The following SNTG2 variants were observed in gnomAD, a reference collection of about 807,000 sequenced individuals.
SNTG2 encodes gamma-2-syntrophin.
A neutral mutation model predicts 70.9 loss-of-function variants in SNTG2; 74 were observed. That is an observed-to-expected ratio of 1.04 (90% confidence interval 0.86 to 1.27). SNTG2 has a LOEUF of 1.27. Among genes scored for constraint, SNTG2 ranks in the 50% most tolerant of loss-of-function variants. The pLI is 0.00. For synonymous variants in SNTG2, 278 were observed against 273.8 expected, an observed-to-expected ratio of 1.02 and a Z score of -0.15; for missense variants, 717 against 690.7, an observed-to-expected ratio of 1.04 and a Z score of -0.43.
intron 1 of SNTG2, among the ~76,000 whole-genome samples, chr2:1,059,591 T>C (rs1474588309): frequency 6.6e-6 from 1 of 152,032 alleles, no homozygotes; most frequent in Non-Finnish European, 1.5e-5. Flanking sequence ...TCTAAATACG[T>C]TTTTTTATTT....
chr2:1,243,847 G>A (rs373324186), intron 11 of SNTG2, among the ~76,000 whole-genome samples: 1 of 152,244 alleles, frequency 6.6e-6, no homozygotes, highest in Non-Finnish European at 1.5e-5. Flanking sequence ...CCAACATGGT[G>A]AAACCCCGTC....
At chr2:1,327,459 A>T (rs1008583057) in intron 16 of SNTG2, among the ~76,000 whole-genome samples, 1 of 152,196 alleles carries the variant, frequency 6.6e-6, no homozygotes, top group Middle Eastern at 3.2e-3. Flanking sequence ...GTTACCAAAA[A>T]CTTTGAGAAG....
chr2:1,252,319 A>G (rs957105721), intron 12 of SNTG2, among the ~76,000 whole-genome samples: 1 of 152,212 alleles, frequency 6.6e-6, no homozygotes, highest in African/African-American at 2.4e-5. Context: ...ATACTTCCCG[A>G]TGACTTCATA....
intron 9 of SNTG2, among the ~76,000 whole-genome samples, chr2:1,233,935 C>CT (rs1203703940): frequency 9.2e-5 from 14 of 152,200 alleles, no homozygotes; most frequent in African/African-American, 3.4e-4. Context: ...TCTGCCTTCA[C>CT]TTGGTGTGGC....
intron 9 of SNTG2, 61 bp downstream of exon 9, chr2:1,209,291 C>A: frequency 1.2e-6 from 2 of 1,602,442 alleles, no homozygotes; most frequent in Non-Finnish European, 1.7e-6. Context: ...TTGCCAGTTC[C>A]TACAGGCCGC....
intron 12 of SNTG2, among the ~76,000 whole-genome samples, chr2:1,248,045 T>C (rs1478895796): frequency 6.6e-6 from 1 of 152,200 alleles, no homozygotes; most frequent in East Asian, 1.9e-4. Flanking sequence ...CCATCAGAAC[T>C]GCAAGCAAAC....
At chr2:1,250,227 TG>T (rs1319704000) in intron 12 of SNTG2, among the ~76,000 whole-genome samples, 1 of 152,250 alleles carries the variant, frequency 6.6e-6, no homozygotes, top group East Asian at 1.9e-4. Flanking sequence ...CACCTGGCTT[TG>T]CCATGGTTTG....
intron 1 of SNTG2, among the ~76,000 whole-genome samples, chr2:1,034,142 C>T (rs961974081): frequency 2.0e-5 from 3 of 151,976 alleles, no homozygotes; most frequent in Non-Finnish European, 4.4e-5. Context: ...TCTTACCCTC[C>T]ACCTTCAAGT....
At chr2:1,188,586 G>A (rs1332941564) in intron 8 of SNTG2, among the ~76,000 whole-genome samples, 3 of 151,880 alleles carry the variant, frequency 2.0e-5, no homozygotes, top group Non-Finnish European at 4.4e-5. Flanking sequence ...GAAAACACAT[G>A]TTAAGACAAA....
chr2:1,085,782 C>T lies in SNTG2; in HGVS notation c.210+2127C>T, dbSNP rs372546448. ...CCAGAGACAGTGTGGGCTTTCAGGA[C>T]GGGAGAGCCGGCTTCCTCTTACCTT... On this transcript the variant is annotated intron_variant, in intron 2 of 16. Transcript: ENST00000308624. Among the ~76,000 whole-genome samples the T allele has an allele frequency of 1.4e-3, 212 of 152,296 alleles. 5 individuals carry two copies. The South Asian group carries it at 0.027, about 20-fold the overall frequency.
At chr2:1,351,548 G>A (rs1201575209) in intron 16 of SNTG2, among the ~76,000 whole-genome samples, 1 of 152,254 alleles carries the variant, frequency 6.6e-6, no homozygotes, top group East Asian at 1.9e-4. Context: ...TGAACAGGTA[G>A]AAGAAAGAGG....
chr2:954,284 T>C (rs920326670), intron 1 of SNTG2, among the ~76,000 whole-genome samples: 1 of 152,214 alleles, frequency 6.6e-6, no homozygotes, highest in Non-Finnish European at 1.5e-5. Flanking sequence ...TCTCTGGCTC[T>C]GGCTTCTCAC....
At chr2:1,104,819 C>T (rs2148230583) in intron 4 of SNTG2, among the ~76,000 whole-genome samples, 1 of 152,342 alleles carries the variant, frequency 6.6e-6, no homozygotes, top group African/African-American at 2.4e-5. Flanking sequence ...CAGTATCTTT[C>T]CGTCCTCCCG....
At position 1,267,351 on chromosome 2, in the gene SNTG2, G is replaced by A; in HGVS notation, c.1078-14G>A. 6 of 1,582,532 alleles carry A rather than the reference G, an allele frequency of 3.8e-6. No homozygotes were observed. The highest frequency in any genetic ancestry group is 4.6e-5 in the East Asian group (2 of 43,856). The stretch of plus-strand genomic sequence containing the variant: ...CCAGCGCTGCACGTTTCCAATCCAT[G>A]CTCTGTTTTTCAGTTCTGGCTCACA... On this transcript the variant is annotated splice_polypyrimidine_tract_variant and intron_variant, in intron 13 of 16. Transcript: ENST00000308624.
chr2:1,364,178 C>T (rs73180214), intron 16 of SNTG2, among the ~76,000 whole-genome samples: 107,523 of 148,932 alleles, frequency 0.72, 39,105 homozygotes, highest in East Asian at 0.94. Flanking sequence ...GACAGCATTT[C>T]ACCATGTTGG....
intron 6 of SNTG2, among the ~76,000 whole-genome samples, chr2:1,139,436 A>C (rs913699620): frequency 6.6e-6 from 1 of 152,064 alleles, no homozygotes; most frequent in African/African-American, 2.4e-5. Flanking sequence ...GGGTTTTGCC[A>C]TTTTGGCCAG....
At chr2:1,083,257 AAAAC>A (rs1342784361) in intron 1 of SNTG2, among the ~76,000 whole-genome samples, 1 of 59,670 alleles carries the variant, frequency 1.7e-5, no homozygotes, top group Non-Finnish European at 4.1e-5. Flanking sequence ...AGTTAAAAAA[AAAAC>A]AAACGCCTGG....
chr2:1,319,089 G>A (rs1368381578), intron 16 of SNTG2, among the ~76,000 whole-genome samples: 1 of 152,204 alleles, frequency 6.6e-6, no homozygotes, highest in East Asian at 1.9e-4. Context: ...AGACAGAAAG[G>A]CCTGAAATAT....
At chr2:1,172,400 C>A (rs1220301039) in intron 7 of SNTG2, among the ~76,000 whole-genome samples, 5 of 152,202 alleles carry the variant, frequency 3.3e-5, no homozygotes, top group African/African-American at 1.2e-4. Context: ...CACATGGGAG[C>A]TGCCCACTCT....
Sources: gnomAD v4.1 joint callset for allele counts (sites outside exome capture counted in the v4.1 genomes callset) on GRCh38, gnomAD v4.1.1 for gene constraint, MANE v1.5 for transcripts, NCBI Gene and HGNC (gene_info 2026-07-23, HGNC 2026-07-21) for gene names.